The following NTNG1 variants were observed in gnomAD, a reference collection of about 807,000 sequenced individuals.
The protein encoded by NTNG1 is netrin-G1.
NTNG1 carries 16 observed loss-of-function variants against 54.0 expected under a neutral mutation model. That is an observed-to-expected ratio of 0.30 (90% CI 0.20 to 0.45). The LOEUF is 0.45. Ranked by LOEUF, NTNG1 falls within the 20% of genes least tolerant of loss-of-function variation. The probability of loss-of-function intolerance (pLI) is 1.00; values close to 1 mark genes in which losing one functional copy is unlikely to be tolerated. For missense variants in NTNG1, 530 were observed against 678.7 expected, an observed-to-expected ratio of 0.78 and a Z score of 2.43; for synonymous variants, 255 against 263.1, an observed-to-expected ratio of 0.97 and a Z score of 0.30.
At chr1:107,419,834 A>G (rs1226624363) in intron 5 of NTNG1, among the ~76,000 whole-genome samples, 3 of 152,056 alleles carry the variant, frequency 2.0e-5, no homozygotes, top group Non-Finnish European at 2.9e-5. Context: ...GAGTGATGAA[A>G]TCTAGACTGT....
intron 3 of NTNG1, among the ~76,000 whole-genome samples, chr1:107,355,140 G>T (rs1461946287): frequency 6.6e-6 from 1 of 151,400 alleles, no homozygotes; most frequent in Non-Finnish European, 1.5e-5. Flanking sequence ...GATCATTTTT[G>T]ATAGTCTCTG....
chr1:107,459,752 C>T (rs1677164481), intron 7 of NTNG1, among the ~76,000 whole-genome samples: 1 of 152,144 alleles, frequency 6.6e-6, no homozygotes, highest in South Asian at 2.1e-4. Flanking sequence ...GCACTTTAAC[C>T]TAGAACGTTG....
chr1:107,191,761 G>T (rs1407116493), intron 2 of NTNG1, among the ~76,000 whole-genome samples: 2 of 151,454 alleles, frequency 1.3e-5, no homozygotes, highest in African/African-American at 2.4e-5. Flanking sequence ...TATTTCTGAG[G>T]GCTCTGTTCT....
intron 6 of NTNG1, 40 bp from the exon 7 acceptor site, chr1:107,436,625 C>A: frequency 6.3e-7 from 1 of 1,598,498 alleles, no homozygotes; most frequent in Non-Finnish European, 8.5e-7. Context: ...GTAAGCCATG[C>A]AGACTTGTCT....
At chr1:107,221,712 G>A (rs773515293) in intron 2 of NTNG1, among the ~76,000 whole-genome samples, 1 of 152,154 alleles carries the variant, frequency 6.6e-6, no homozygotes, top group African/African-American at 2.4e-5. Flanking sequence ...CTGGCACCTG[G>A]TATGTGCTTG....
chr1:107,196,554 C>G (rs1658346587), intron 2 of NTNG1, among the ~76,000 whole-genome samples: 1 of 151,938 alleles, frequency 6.6e-6, no homozygotes, highest in Non-Finnish European at 1.5e-5. Flanking sequence ...CTGTTTAATT[C>G]TGCTCTTTGA....
chr1:107,335,914 G>A (rs146595436), intron 3 of NTNG1, among the ~76,000 whole-genome samples: 30 of 151,936 alleles, frequency 2.0e-4, no homozygotes, highest in Admixed American at 2.0e-3. Flanking sequence ...CTGCAAAACA[G>A]TGCTGAAACT....
At chr1:107,205,382 C>T (rs1659096735) in intron 2 of NTNG1, among the ~76,000 whole-genome samples, 1 of 152,108 alleles carries the variant, frequency 6.6e-6, no homozygotes, top group Non-Finnish European at 1.5e-5. Flanking sequence ...TTCAACTTAT[C>T]CAGCGTTTCC....
chr1:107,331,516 T>C (rs1668279310), intron 3 of NTNG1, among the ~76,000 whole-genome samples: 1 of 152,166 alleles, frequency 6.6e-6, no homozygotes, highest in South Asian at 2.1e-4. Flanking sequence ...GATAGCTTCT[T>C]ATTTTTCCAT....
intron 7 of NTNG1, among the ~76,000 whole-genome samples, chr1:107,461,337 T>C (rs554142443): frequency 7.2e-5 from 11 of 152,158 alleles, no homozygotes; most frequent in Admixed American, 2.0e-4. Context: ...AGGAAGAGTG[T>C]TCCAGGCGGA....
At chr1:107,448,121 T>A (rs1299679494) in intron 7 of NTNG1, among the ~76,000 whole-genome samples, 1 of 152,072 alleles carries the variant, frequency 6.6e-6, no homozygotes, top group Non-Finnish European at 1.5e-5. Context: ...GTACCACTTT[T>A]CTAGCTTGCT....
At chr1:107,205,239 G>A (rs1025141041) in intron 2 of NTNG1, among the ~76,000 whole-genome samples, 2 of 152,144 alleles carry the variant, frequency 1.3e-5, no homozygotes, top group Non-Finnish European at 2.9e-5. Context: ...AGAGTTTATA[G>A]CTTCAGAGAC....
intron 3 of NTNG1, among the ~76,000 whole-genome samples, chr1:107,375,738 A>G (rs557770394): frequency 3.5e-4 from 54 of 152,240 alleles, no homozygotes; most frequent in Non-Finnish European, 2.6e-4. Context: ...TTGACTGATA[A>G]TTGATAATAA....
intron 2 of NTNG1, among the ~76,000 whole-genome samples, chr1:107,185,438 ACT>A (rs148047121): frequency 0.021 from 3,179 of 151,858 alleles, 103 homozygotes; most frequent in African/African-American, 0.073. Flanking sequence ...GGCCTTCTTC[ACT>A]CTGTGTGTGT....
At chr1:107,480,589 T>TCCCTCCCCCCC in intron 7 of NTNG1, 22 bp from the exon 8 acceptor site, 1 of 202,796 alleles carries the variant, frequency 4.9e-6, no homozygotes, top group Non-Finnish European at 9.4e-6. Flanking sequence ...CACCCACCCC[T>TCCCTCCCCCCC]ACCTTCCCCC....
At position 107,385,488 on chromosome 1, in the gene NTNG1, C is replaced by G. The variant is rs114499598; in HGVS notation, c.888-9666C>G. On this transcript the variant is annotated intron_variant, in intron 3 of 7. Coordinates refer to ENST00000370068, the MANE Select transcript of NTNG1 (RefSeq NM_001113226.3). ...GACGCCATGCCTGCTAATACCCCAT[C>G]GGTCAGAACATAGTCATATGGCCAC... is the stretch of plus-strand genomic sequence containing the variant. Among the ~76,000 whole-genome samples the G allele has an allele frequency of 8.0e-3, 1,214 of 152,028 alleles. 19 individuals carry two copies. Among genetic ancestry groups the G allele is most frequent in the African/African-American group, 0.028 (1,164 of 41,470 alleles).
chr1:107,221,187 A>T (rs1660319457), intron 2 of NTNG1, among the ~76,000 whole-genome samples: 1 of 152,070 alleles, frequency 6.6e-6, no homozygotes, highest in Non-Finnish European at 1.5e-5. Flanking sequence ...TTTTACTATG[A>T]AAAAGGCAAT....
At chr1:107,450,218 G>A (rs1338125374) in intron 7 of NTNG1, among the ~76,000 whole-genome samples, 1 of 152,086 alleles carries the variant, frequency 6.6e-6, no homozygotes, top group Admixed American at 6.6e-5. Context: ...TGCAACCTAA[G>A]CTAATGTGCC....
chr1:107,235,406 G>A (rs189595379), intron 2 of NTNG1, among the ~76,000 whole-genome samples: 5 of 152,242 alleles, frequency 3.3e-5, no homozygotes, highest in African/African-American at 7.2e-5. Context: ...CAACCAAGCC[G>A]CTGGAGCCAC....
Sources: gnomAD v4.1 joint callset for allele counts (sites outside exome capture counted in the v4.1 genomes callset) on GRCh38, gnomAD v4.1.1 for gene constraint, MANE v1.5 for transcripts, NCBI Gene and HGNC (gene_info 2026-07-23, HGNC 2026-07-21) for gene names.